The following SGCZ variants were observed in gnomAD, a reference collection of about 807,000 sequenced individuals.
SGCZ encodes sarcoglycan zeta, also known as zeta-sarcoglycan.
A neutral mutation model predicts 41.3 loss-of-function variants in SGCZ; 40 were observed. That is an observed-to-expected ratio of 0.97 (90% CI 0.75 to 1.26). SGCZ has a LOEUF of 1.26. Ranked by LOEUF, SGCZ falls within the 50% of genes most tolerant of loss-of-function variation. The probability of loss-of-function intolerance (pLI) is 0.00; values close to 1 mark genes in which losing one functional copy is unlikely to be tolerated. For missense variants in SGCZ, 552 were observed against 369.8 expected, an observed-to-expected ratio of 1.49 and a Z score of -4.04; for synonymous variants, 206 against 137.5, an observed-to-expected ratio of 1.50 and a Z score of -3.49.
chr8:15,079,373 T>C (rs1409838630), intron 1 of SGCZ, among the ~76,000 whole-genome samples: 1 of 152,228 alleles, frequency 6.6e-6, no homozygotes, highest in Non-Finnish European at 1.5e-5. Flanking sequence ...ACTTCAGTCC[T>C]ATATTTTTTT....
intron 1 of SGCZ, among the ~76,000 whole-genome samples, chr8:14,990,065 C>T (rs1472517379): frequency 6.6e-6 from 1 of 152,124 alleles, no homozygotes; most frequent in Non-Finnish European, 1.5e-5. Context: ...CAATGCCTTA[C>T]CCTCCCAGTG....
At chr8:14,801,942 T>C (rs1031602450) in intron 1 of SGCZ, among the ~76,000 whole-genome samples, 6 of 152,042 alleles carry the variant, frequency 3.9e-5, no homozygotes, top group Non-Finnish European at 7.4e-5. Flanking sequence ...TGGAAAGCAG[T>C]CCAAATATGA....
chr8:14,501,981 T>A (rs1012010991), intron 2 of SGCZ, among the ~76,000 whole-genome samples: 2 of 152,098 alleles, frequency 1.3e-5, no homozygotes, highest in African/African-American at 4.8e-5. Flanking sequence ...TCCATAATCA[T>A]TTGACAGGAT....
intron 1 of SGCZ, among the ~76,000 whole-genome samples, chr8:14,730,508 T>G (rs1810202190): frequency 6.6e-6 from 1 of 152,066 alleles, no homozygotes; most frequent in South Asian, 2.1e-4. Flanking sequence ...CTTGTTATAT[T>G]ACAATACGTG....
intron 1 of SGCZ, among the ~76,000 whole-genome samples, chr8:14,699,811 CT>C (rs1168938732): frequency 6.6e-6 from 1 of 151,916 alleles, no homozygotes; most frequent in Non-Finnish European, 1.5e-5. Context: ...ACGGGCACTT[CT>C]TTAAAGAAGA....
intron 2 of SGCZ, among the ~76,000 whole-genome samples, chr8:14,551,545 A>ATATATTATATATATTATATATAT (rs1803846363): frequency 1.7e-4 from 1 of 5,806 alleles, no homozygotes; most frequent in Non-Finnish European, 3.8e-4. Context: ...TATATATAAT[A>ATATATTATATATATTATATATAT]TATATAATAT....
At chr8:14,516,092 T>C (rs1474582824) in intron 2 of SGCZ, among the ~76,000 whole-genome samples, 3 of 147,680 alleles carry the variant, frequency 2.0e-5, no homozygotes, top group Admixed American at 6.9e-5. Context: ...CTTGGCAGTA[T>C]GATCATGATG....
intron 1 of SGCZ, among the ~76,000 whole-genome samples, chr8:14,719,505 T>G (rs1809810280): frequency 6.6e-6 from 1 of 151,792 alleles, no homozygotes; most frequent in Non-Finnish European, 1.5e-5. Flanking sequence ...CCACATCCTC[T>G]CCAGCACCTG....
intron 1 of SGCZ, among the ~76,000 whole-genome samples, chr8:14,658,494 G>A (rs1174731404): frequency 1.3e-5 from 2 of 151,840 alleles, no homozygotes; most frequent in East Asian, 3.9e-4. Flanking sequence ...AAGATGCGCA[G>A]CCTCCAAGCC....
intron 1 of SGCZ, among the ~76,000 whole-genome samples, chr8:14,816,973 T>C (rs1178279703): frequency 6.6e-6 from 1 of 152,206 alleles, no homozygotes; most frequent in African/African-American, 2.4e-5. Context: ...TCACAATTGA[T>C]ACCAGAGTTT....
At chr8:14,486,216 A>G (rs1184037583) in intron 2 of SGCZ, among the ~76,000 whole-genome samples, 1 of 152,046 alleles carries the variant, frequency 6.6e-6, no homozygotes, top group Non-Finnish European at 1.5e-5. Flanking sequence ...ACTTGCCTAC[A>G]CTTCCTCTCC....
chr8:14,130,447 T>C (rs1344719560), intron 5 of SGCZ, among the ~76,000 whole-genome samples: 1 of 152,090 alleles, frequency 6.6e-6, no homozygotes, highest in African/African-American at 2.4e-5. Context: ...GTGAGCAAGA[T>C]AGCTGACTAG....
intron 1 of SGCZ, among the ~76,000 whole-genome samples, chr8:14,600,939 C>A (rs1456888212): frequency 6.6e-6 from 1 of 151,246 alleles, no homozygotes; most frequent in East Asian, 1.9e-4. Context: ...AATCTTGATT[C>A]TGAATCGGAG....
chr8:15,168,027 A>G (rs780723965), intron 1 of SGCZ, among the ~76,000 whole-genome samples: 14 of 152,318 alleles, frequency 9.2e-5, no homozygotes, highest in Non-Finnish European at 1.8e-4. Flanking sequence ...TTTGCAGCAT[A>G]ACTATAGCCA....
At chr8:15,030,488 C>G (rs944085634) in intron 1 of SGCZ, among the ~76,000 whole-genome samples, 9 of 151,980 alleles carry the variant, frequency 5.9e-5, no homozygotes, top group African/African-American at 2.2e-4. Context: ...AAATTTGTGT[C>G]TAAAGCAGTA....
chr8:14,289,619 G>C (rs1800771325), intron 3 of SGCZ, among the ~76,000 whole-genome samples: 1 of 151,880 alleles, frequency 6.6e-6, no homozygotes, highest in African/African-American at 2.4e-5. Context: ...TGCTATTTTG[G>C]TCATGATAGC....
chr8:14,124,608 T>C (rs1184944332), intron 5 of SGCZ, among the ~76,000 whole-genome samples: 1 of 152,210 alleles, frequency 6.6e-6, no homozygotes. Context: ...TCTTAATCTC[T>C]TGCTCTGACA....
At chr8:15,054,164 C>G (rs1804621623) in intron 1 of SGCZ, among the ~76,000 whole-genome samples, 1 of 152,160 alleles carries the variant, frequency 6.6e-6, no homozygotes, top group Admixed American at 6.5e-5. Context: ...TTAGTTCTTG[C>G]TCATAATGAA....
At chr8:14,338,484 C>T (rs913591021) in intron 2 of SGCZ, among the ~76,000 whole-genome samples, 5 of 152,106 alleles carry the variant, frequency 3.3e-5, no homozygotes, top group Non-Finnish European at 5.9e-5. Flanking sequence ...CAATATCCTG[C>T]TTGGGGGCAG....
Sources: gnomAD v4.1 joint callset for allele counts (sites outside exome capture counted in the v4.1 genomes callset) on GRCh38, gnomAD v4.1.1 for gene constraint, MANE v1.5 for transcripts, NCBI Gene and HGNC (gene_info 2026-07-23, HGNC 2026-07-21) for gene names.